The following NTRK3 variants were observed in gnomAD, a reference collection of about 807,000 sequenced individuals.
NTRK3 encodes the protein neurotrophic receptor tyrosine kinase 3.
In NTRK3, 24 loss-of-function variants were observed where a neutral mutation model predicts 91.7. That is an observed-to-expected ratio of 0.26 (90% CI 0.19 to 0.37). The LOEUF is 0.37. Among genes scored for constraint, NTRK3 ranks in the 10% least tolerant of loss-of-function variants. The pLI is 1.00. For synonymous variants in NTRK3, 483 were observed against 404.0 expected, an observed-to-expected ratio of 1.20 and a Z score of -2.34; for missense variants, 880 against 1,068.9, an observed-to-expected ratio of 0.82 and a Z score of 2.46.
At chr15:87,947,253 G>A (rs551144098) in intron 14 of NTRK3, among the ~76,000 whole-genome samples, 3 of 143,052 alleles carry the variant, frequency 2.1e-5, no homozygotes, top group Non-Finnish European at 4.7e-5. Flanking sequence ...AGGTGGTTAC[G>A]TAACTTGCCC....
chr15:88,090,411 G>A (rs1009641061), intron 13 of NTRK3, among the ~76,000 whole-genome samples: 12 of 152,108 alleles, frequency 7.9e-5, no homozygotes, highest in Admixed American at 2.6e-4. Flanking sequence ...ATGAAGGAAG[G>A]GAGGAAGGGA....
chr15:88,093,866 T>C (rs551906215), intron 13 of NTRK3, among the ~76,000 whole-genome samples: 4 of 152,158 alleles, frequency 2.6e-5, no homozygotes, highest in African/African-American at 9.7e-5. Flanking sequence ...TTTCTACTTA[T>C]CTTGTACATG....
intron 3 of NTRK3, among the ~76,000 whole-genome samples, chr15:88,211,885 G>T (rs978629334): frequency 1.3e-5 from 2 of 152,238 alleles, no homozygotes; most frequent in South Asian, 2.1e-4. Flanking sequence ...TTCTTCAAAT[G>T]AGTGGTTTTG....
rs2051507278 is a variant in NTRK3 at position 88,234,523 on chromosome 15, C to G, written c.248+21383G>C. Reference sequence around the variant, plus strand: ...AGGGGCCCTCCTCACGCTGCTCCCTCCTCTAGACTAGCTCTCCATCGCCTC... The same window carrying G: ...AGGGGCCCTCCTCACGCTGCTCCCTGCTCTAGACTAGCTCTCCATCGCCTC... On this transcript the variant is annotated intron_variant, in intron 3 of 18. Transcript: ENST00000394480. The surrounding 1 kb of genome is among the most constrained non-coding windows in gnomAD (Gnocchi z 6.1). Among the ~76,000 whole-genome samples, 2 of 152,158 alleles carry G rather than the reference C, an allele frequency of 1.3e-5. No homozygotes were observed. The highest frequency in any genetic ancestry group is 4.8e-5 in the African/African-American group (2 of 41,432).
chr15:88,014,807 C>T (rs556970891), intron 14 of NTRK3, among the ~76,000 whole-genome samples: 1 of 152,338 alleles, frequency 6.6e-6, no homozygotes, highest in East Asian at 1.9e-4. Flanking sequence ...TTCTCACCAG[C>T]TCCGAGATTT....
Position 87,872,675 on chromosome 15 carries a change from T to C in NTRK3, c.*4260A>G, listed in dbSNP as rs147039078. The C allele has an allele frequency of 2.7e-4, 64 of 232,744 alleles. No homozygotes were observed. In the East Asian group the frequency reaches 3.4e-3, roughly 13 times the overall value. 14.4% of individuals were successfully genotyped at this position (232,744 alleles called of 1,614,324 possible). On this transcript the variant is annotated 3_prime_UTR_variant, in exon 19 of 19. Transcript: ENST00000394480. ...AAATGAAGTCTCTGGCTTGTCTGCC[T>C]GGCTCCCTGTACAATATTCCTCAAA...
chr15:88,050,344 G>A (rs1420035770), intron 13 of NTRK3, among the ~76,000 whole-genome samples: 1 of 152,126 alleles, frequency 6.6e-6, no homozygotes, highest in Non-Finnish European at 1.5e-5. Flanking sequence ...TTTAAAAATG[G>A]ATGACTTCTA....
intron 13 of NTRK3, among the ~76,000 whole-genome samples, chr15:88,097,280 T>C (rs922093647): frequency 2.6e-5 from 4 of 152,222 alleles, no homozygotes; most frequent in African/African-American, 9.7e-5. Flanking sequence ...CAGAGAACAG[T>C]TGGGATATTA....
At chr15:88,256,115 C>G (rs1456468651) in exon 3 of NTRK3, 1 of 1,609,332 alleles carries the variant, frequency 6.2e-7, no homozygotes. Context: ...AGAAAATCCG[C>G]CAGAAACTAC....
chr15:88,178,879 C>T (rs1026606155), intron 5 of NTRK3, among the ~76,000 whole-genome samples: 1 of 152,160 alleles, frequency 6.6e-6, no homozygotes, highest in Non-Finnish European at 1.5e-5. Flanking sequence ...TTTCACGGAA[C>T]TTTAAAGATG....
chr15:88,250,648 G>A (rs189087244), intron 3 of NTRK3, among the ~76,000 whole-genome samples: 6 of 152,164 alleles, frequency 3.9e-5, no homozygotes, highest in East Asian at 1.9e-4. Flanking sequence ...TTAATCAACC[G>A]TTCCTTGGCC....
intron 17 of NTRK3, among the ~76,000 whole-genome samples, chr15:87,896,828 C>T (rs2066153115): frequency 1.3e-5 from 2 of 152,112 alleles, no homozygotes; most frequent in Admixed American, 6.6e-5. Flanking sequence ...CTTATTAAGT[C>T]AGAATTGCTT....
At chr15:87,987,219 C>A (rs991524222) in intron 14 of NTRK3, among the ~76,000 whole-genome samples, 12 of 152,210 alleles carry the variant, frequency 7.9e-5, no homozygotes, top group African/African-American at 2.2e-4. Flanking sequence ...TAACATAATT[C>A]TATTGCTAAA....
At chr15:88,180,969 A>G (rs1303019456) in intron 5 of NTRK3, among the ~76,000 whole-genome samples, 1 of 152,118 alleles carries the variant, frequency 6.6e-6, no homozygotes, top group Non-Finnish European at 1.5e-5. Context: ...GCCTCATCCT[A>G]TTGACTCGTC....
intron 13 of NTRK3, among the ~76,000 whole-genome samples, chr15:88,058,341 AATG>A (rs2045911650): frequency 6.6e-6 from 1 of 152,210 alleles, no homozygotes; most frequent in African/African-American, 2.4e-5. Context: ...ATCAAATGGT[AATG>A]ATATGATAGC....
At chr15:88,128,659 C>G (rs376035178) in intron 11 of NTRK3, 52 bp downstream of exon 11, 4 of 1,583,290 alleles carry the variant, frequency 2.5e-6, no homozygotes, top group Non-Finnish European at 3.5e-6. Context: ...TCAATAGTTA[C>G]CGATAGTATC....
chr15:88,007,033 G>C (rs1016600014), intron 14 of NTRK3, among the ~76,000 whole-genome samples: 2 of 152,166 alleles, frequency 1.3e-5, no homozygotes, highest in African/African-American at 4.8e-5. Context: ...GACAAATGGA[G>C]GCCATGGCAA....
intron 13 of NTRK3, among the ~76,000 whole-genome samples, chr15:88,110,408 T>C (rs1048237780): frequency 1.5e-4 from 23 of 152,138 alleles, no homozygotes; most frequent in African/African-American, 5.6e-4. Flanking sequence ...CCTGCCTCCA[T>C]CTTACAGGCA....
At chr15:88,085,884 T>C (rs1394665802) in intron 13 of NTRK3, among the ~76,000 whole-genome samples, 1 of 152,194 alleles carries the variant, frequency 6.6e-6, no homozygotes, top group Non-Finnish European at 1.5e-5. Flanking sequence ...AATGAGGACA[T>C]GGCTAGGGCC....
Sources: allele counts gnomAD v4.1 joint callset (sites outside exome capture counted in the v4.1 genomes callset), GRCh38; gene constraint gnomAD v4.1.1; non-coding constraint Gnocchi (gnomAD v3.1); transcripts MANE v1.5; gene names NCBI Gene and HGNC (gene_info 2026-07-23, HGNC 2026-07-21).